The following UNC80 variants were observed in gnomAD, a reference collection of about 807,000 sequenced individuals.
The protein encoded by UNC80 is unc-80 subunit of NALCN channel complex.
A neutral mutation model predicts 384.6 loss-of-function variants in UNC80; 164 were observed. That is an observed-to-expected ratio of 0.43 (90% CI 0.38 to 0.49). The LOEUF (loss-of-function observed/expected upper bound fraction) is 0.49, where lower values mean the gene tolerates loss of function less well. UNC80 is among the 20% of genes least tolerant of loss of function. The pLI, the probability that UNC80 is intolerant of heterozygous loss-of-function variation, is 0.00. For missense variants in UNC80, 3,330 were observed against 4,143.0 expected (o/e 0.80, Z 5.39); for synonymous variants, 1,486 against 1,527.8 (o/e 0.97, Z 0.64).
rs1279993004 is a variant in UNC80, at chr2:209,959,609, C to G, written c.7707C>G (p.Phe2569Leu). 8 of 1,551,692 alleles carry G rather than the reference C, an allele frequency of 5.2e-6. No homozygotes were observed. The highest frequency in any genetic ancestry group is 1.4e-5 in the African/African-American group (1 of 73,142). The part of the protein sequence containing the change: ...RESLLNICTE[F>L]YKHCGPRLKI... ...CCTTACTGAATATTTGCACTGAGTT[C>G]TATAAGCACTGTGGGCCACGGCTGA... Residue 2569 changes from phenylalanine (F) to leucine (L), a missense_variant, in exon 51 of 65, where the codon TTC becomes TTG. Transcript: ENST00000673920.
chr2:209,931,437 A>G (rs1009386427), intron 38 of UNC80, among the ~76,000 whole-genome samples: 1 of 149,772 alleles, frequency 6.7e-6, no homozygotes, highest in Admixed American at 6.7e-5. Context: ...GTTGTCCTAG[A>G]TGGAAAGTTT....
At chr2:209,943,356 T>C in intron 44 of UNC80, 24 bp from the exon 45 acceptor site, 1 of 1,550,994 alleles carries the variant, frequency 6.4e-7, no homozygotes, top group South Asian at 1.2e-5. Context: ...AGGCATTTTT[T>C]GAATATCTGG....
At position 209,945,122 on chromosome 2, in the gene UNC80, G is replaced by C. The variant is rs1174694930; in HGVS notation, c.7122G>C (p.Glu2374Asp). The C allele has an allele frequency of 6.4e-7, 1 of 1,551,504 alleles. No homozygotes were observed. The highest frequency in any genetic ancestry group is 2.0e-5 in the Admixed American group (1 of 50,976). The change falls in exon 46 of 65, where the codon GAG (glutamate) becomes GAC (aspartate). Residue 2374 changes from glutamate to aspartate, a missense_variant. Glu to Asp is a conservative substitution (Grantham distance 45, BLOSUM62 2). Coordinates refer to ENST00000673920, the MANE Select transcript of UNC80 (RefSeq NM_001371986.1). ...QCLFDLLQSL[E>D]GETTDILDIL... ...TGTTTGACTTGCTGCAGTCCCTAGA[G>C]GGAGAGACCACCGACATATTAGACA...
chr2:209,978,287 T>G (rs1425345406), intron 58 of UNC80, among the ~76,000 whole-genome samples: 2 of 152,220 alleles, frequency 1.3e-5, no homozygotes, highest in Non-Finnish European at 2.9e-5. Flanking sequence ...TGTCAAAGCA[T>G]TTAATATTGT....
At chr2:209,893,032 C>T (rs1479862694) in intron 26 of UNC80, among the ~76,000 whole-genome samples, 1 of 152,184 alleles carries the variant, frequency 6.6e-6, no homozygotes, top group Non-Finnish European at 1.5e-5. Context: ...AGCAGGAATT[C>T]TTCTGACCTC....
chr2:209,854,311 A>G (rs529419536), intron 22 of UNC80, among the ~76,000 whole-genome samples: 10 of 149,338 alleles, frequency 6.7e-5, no homozygotes, highest in Admixed American at 2.0e-4. Context: ...AAAAGAGTCT[A>G]ACTATGAAAT....
intron 22 of UNC80, among the ~76,000 whole-genome samples, chr2:209,863,174 G>T (rs759102183): frequency 6.6e-6 from 1 of 152,060 alleles, no homozygotes; most frequent in Non-Finnish European, 1.5e-5. Context: ...AATCTCTTCC[G>T]GCTTGTAGAG....
At chr2:209,800,116 T>C (rs1262606918) in intron 7 of UNC80, among the ~76,000 whole-genome samples, 1 of 152,182 alleles carries the variant, frequency 6.6e-6, no homozygotes, top group Non-Finnish European at 1.5e-5. Flanking sequence ...TTTTTAATTG[T>C]TTGGAATAGT....
At chr2:209,963,708 T>C (rs541613219) in intron 51 of UNC80, among the ~76,000 whole-genome samples, 1 of 152,376 alleles carries the variant, frequency 6.6e-6, no homozygotes, top group South Asian at 2.1e-4. Context: ...CTGTTTAAAA[T>C]GATTTCTTTA....
At chr2:209,964,115 C>CTCTAG (rs1456151872) in intron 51 of UNC80, among the ~76,000 whole-genome samples, 1 of 152,200 alleles carries the variant, frequency 6.6e-6, no homozygotes, top group African/African-American at 2.4e-5. Flanking sequence ...TCCTTTCAAA[C>CTCTAG]AGTTATTCAC....
intron 61 of UNC80, among the ~76,000 whole-genome samples, chr2:209,986,646 G>A (rs923482541): frequency 1.1e-4 from 16 of 152,258 alleles, no homozygotes; most frequent in African/African-American, 3.9e-4. Context: ...TGTGACCATT[G>A]TGTTTTAGTT....
chr2:209,940,785 C>G (rs113164016), intron 43 of UNC80, among the ~76,000 whole-genome samples: 3,395 of 152,142 alleles, frequency 0.022, 93 homozygotes, highest in South Asian at 0.14. Flanking sequence ...CCATTGCACT[C>G]CAGACAGAAC....
intron 6 of UNC80, among the ~76,000 whole-genome samples, chr2:209,791,236 A>G (rs2077776322): frequency 6.6e-6 from 1 of 152,162 alleles, no homozygotes; most frequent in South Asian, 2.1e-4. Flanking sequence ...TTTTCCTAAT[A>G]CATCATTTAT....
chr2:209,901,753 C>T (rs1259296953), intron 28 of UNC80, among the ~76,000 whole-genome samples: 8 of 151,928 alleles, frequency 5.3e-5, no homozygotes, highest in Admixed American at 1.3e-4. Flanking sequence ...GGTGAAACCC[C>T]GTCTCTACTA....
chr2:209,984,387 G>T lies in UNC80; in HGVS notation c.9258-469G>T, dbSNP rs1431917880. Among the ~76,000 whole-genome samples the T allele has an allele frequency of 3.9e-5, 6 of 152,162 alleles. 1 individual carries two copies. The highest frequency in any genetic ancestry group is 2.6e-4 in the Admixed American group (4 of 15,274). On this transcript the variant is annotated intron_variant, in intron 60 of 64. Coordinates refer to ENST00000673920, the MANE Select transcript of UNC80 (RefSeq NM_001371986.1). ...GCATCAGTTCCAAGAGCTTGGTTGTGGCAGTTCATGGTAAGTGGTTTCTGT... is the reference window on the plus strand; with the variant it reads ...GCATCAGTTCCAAGAGCTTGGTTGTTGCAGTTCATGGTAAGTGGTTTCTGT...
In UNC80 at chr2:209,943,532, GA is replaced by G. The variant is rs751647341; in HGVS notation, c.7050+27del. The G allele has an allele frequency of 3.6e-5, 55 of 1,522,212 alleles. No homozygotes were observed. Among genetic ancestry groups the G allele is most frequent in the Middle Eastern group, 3.4e-4 (2 of 5,830 alleles). The allele number at this position is 1,522,212 out of a possible 1,614,324, so 94.3% of individuals were successfully genotyped here. A position where few individuals can be genotyped will look rare whatever the true frequency, so the allele number is the denominator to read the frequency against. On this transcript the variant is annotated intron_variant, in intron 45 of 64. Coordinates refer to ENST00000673920, the MANE Select transcript of UNC80 (RefSeq NM_001371986.1). ...AATTTCCTGTAAGTAAGCTCTGTGGGAAAAAAAAATGAAGACCAACAAAATG... is the reference window on the plus strand; with the variant it reads ...AATTTCCTGTAAGTAAGCTCTGTGGGAAAAAAAATGAAGACCAACAAAATG...
chr2:209,992,087 G>A, intron 61 of UNC80, 79 bp from the exon 62 acceptor site: 2 of 1,135,876 alleles, frequency 1.8e-6, no homozygotes, highest in Non-Finnish European at 2.5e-6. Context: ...TATCATACAA[G>A]TGATTTTGGC....
At chr2:209,915,850 A>G (rs114554135) in intron 31 of UNC80, among the ~76,000 whole-genome samples, 1,950 of 152,310 alleles carry the variant, frequency 0.013, 21 homozygotes, top group Middle Eastern at 0.024. Flanking sequence ...AAAGTATTGT[A>G]TATTTTAAAA....
intron 7 of UNC80, chr2:209,809,003 C>A: frequency 6.0e-6 from 2 of 335,406 alleles, no homozygotes; most frequent in South Asian, 5.4e-5. Context: ...GCCAGGGCCT[C>A]CCTCCAACTG....
Sources: allele counts gnomAD v4.1 joint callset (sites outside exome capture counted in the v4.1 genomes callset), GRCh38; gene constraint gnomAD v4.1.1; transcripts MANE v1.5; gene names NCBI Gene and HGNC (gene_info 2026-07-23, HGNC 2026-07-21).